The following CCSER1 variants were observed in gnomAD, a reference collection of about 807,000 sequenced individuals.
The protein encoded by CCSER1 is serine-rich coiled-coil domain-containing protein 1.
CCSER1 carries 41 observed loss-of-function variants against 82.0 expected under a neutral mutation model. The observed-to-expected ratio is 0.50, with a 90% CI of 0.39 to 0.65. CCSER1 has a LOEUF of 0.65. Ranked by LOEUF, CCSER1 falls within the 30% of genes least tolerant of loss-of-function variation. The pLI is 0.00. For synonymous variants in CCSER1, 414 were observed against 383.9 expected (o/e 1.08, Z -0.92); for missense variants, 1,119 against 1,064.2 (o/e 1.05, Z -0.72).
Position 90,208,250 on chromosome 4 carries a change from G to A in CCSER1, c.-42+80419G>A, listed in dbSNP as rs137922950. ...AGTCTGGCTACAGTGGTTTTGTGGC[G>A]CTGCAGTTGGCTTCACCCAGTTCGG... On this transcript the variant is annotated intron_variant, in intron 1 of 10. Transcript: ENST00000509176. 9.4e-3 allele frequency among the ~76,000 whole-genome samples: 1,426 copies of A among 152,270 alleles called. 18 individuals are homozygous for A. The highest frequency in any genetic ancestry group is 0.049 in the South Asian group (236 of 4,824).
chr4:90,821,188 A>T (rs912265117), intron 8 of CCSER1, among the ~76,000 whole-genome samples: 4 of 152,190 alleles, frequency 2.6e-5, no homozygotes, highest in African/African-American at 9.7e-5. Flanking sequence ...TTTAATGCAT[A>T]TCATTATACT....
intron 8 of CCSER1, among the ~76,000 whole-genome samples, chr4:90,874,749 T>C (rs1766979527): frequency 6.6e-6 from 1 of 152,042 alleles, no homozygotes; most frequent in Admixed American, 6.6e-5. Flanking sequence ...CCAATGCCTA[T>C]ATTAAAAAAC....
intron 5 of CCSER1, among the ~76,000 whole-genome samples, chr4:90,477,081 G>A (rs780896517): frequency 6.6e-6 from 1 of 151,940 alleles, no homozygotes; most frequent in Non-Finnish European, 1.5e-5. Flanking sequence ...TCAATTCCCC[G>A]TGCTAACCTC....
At chr4:91,005,659 A>C (rs1561464356) in intron 9 of CCSER1, among the ~76,000 whole-genome samples, 1 of 152,328 alleles carries the variant, frequency 6.6e-6, no homozygotes, top group East Asian at 1.9e-4. Context: ...TTCATCTTGC[A>C]TAACTGAAAC....
At position 90,192,051 on chromosome 4, in the gene CCSER1, G is replaced by A. The variant is rs543179731; in HGVS notation, c.-42+64220G>A. On this transcript the variant is annotated intron_variant, in intron 1 of 10. Coordinates refer to ENST00000509176, the MANE Select transcript of CCSER1 (RefSeq NM_001145065.2). ...ATTGTGTGTATTAGTCCGTTTTCAC[G>A]CTGCTGATAAAGACATACCTGAGGC... Among the ~76,000 whole-genome samples the A allele has an allele frequency of 1.1e-4, 17 of 152,094 alleles. No homozygotes were observed. In the South Asian group the frequency reaches 2.9e-3, roughly 26 times the overall value.
intron 7 of CCSER1, among the ~76,000 whole-genome samples, chr4:90,779,116 A>G (rs1194413874): frequency 2.0e-5 from 3 of 152,174 alleles, no homozygotes; most frequent in Non-Finnish European, 4.4e-5. Flanking sequence ...TGCTTCATTC[A>G]TTCTCTGTAT....
At chr4:91,302,556 G>C (rs1024929881) in intron 10 of CCSER1, among the ~76,000 whole-genome samples, 5 of 151,956 alleles carry the variant, frequency 3.3e-5, no homozygotes, top group Admixed American at 1.3e-4. Context: ...AATCAGATCA[G>C]ATAAGCCTTC....
At chr4:91,100,953 G>A (rs1724998769) in intron 10 of CCSER1, among the ~76,000 whole-genome samples, 1 of 152,168 alleles carries the variant, frequency 6.6e-6, no homozygotes, top group Admixed American at 6.5e-5. Flanking sequence ...TTCTTTGGAA[G>A]TGTTTGACTG....
intron 10 of CCSER1, among the ~76,000 whole-genome samples, chr4:91,329,896 T>A (rs751541561): frequency 3.9e-5 from 6 of 152,194 alleles, no homozygotes; most frequent in Non-Finnish European, 8.8e-5. Context: ...TTGTTAAATT[T>A]TTTTCCCAGA....
chr4:91,593,244 G>C (rs1362952009), intron 10 of CCSER1, among the ~76,000 whole-genome samples: 2 of 152,002 alleles, frequency 1.3e-5, no homozygotes, highest in Non-Finnish European at 2.9e-5. Flanking sequence ...TAAATTGCCC[G>C]TGCAATGTGT....
chr4:91,091,678 C>T (rs1723973713), intron 10 of CCSER1, among the ~76,000 whole-genome samples: 1 of 152,172 alleles, frequency 6.6e-6, no homozygotes, highest in South Asian at 2.1e-4. Context: ...GGTTTGGCCT[C>T]CCAGGTTCCA....
intron 9 of CCSER1, among the ~76,000 whole-genome samples, chr4:90,926,957 G>T (rs868516809): frequency 1.3e-5 from 2 of 151,956 alleles, no homozygotes; most frequent in African/African-American, 2.4e-5. Context: ...TACATCAAAT[G>T]TATAAACAGA....
intron 10 of CCSER1, among the ~76,000 whole-genome samples, chr4:91,502,171 T>C (rs977452351): frequency 6.6e-6 from 1 of 152,168 alleles, no homozygotes; most frequent in Non-Finnish European, 1.5e-5. Context: ...AAAGCATTCC[T>C]GGAACATGAA....
chr4:90,257,556 G>C (rs76781799), intron 1 of CCSER1, among the ~76,000 whole-genome samples: 95 of 109,950 alleles, frequency 8.6e-4, no homozygotes, highest in Admixed American at 2.1e-3. Context: ...TAGATAGATA[G>C]ATAGATACAT....
rs188324561 is a variant in CCSER1, at chr4:90,660,025, T to C, written c.1932+31793T>C. ...TCTTCAAAAGTAAAAAAAAAAAACC[T>C]TAAATAGATGTTAATGAAGATTCAG... is the stretch of plus-strand genomic sequence containing the variant. On this transcript the variant is annotated intron_variant, in intron 6 of 10. Coordinates refer to ENST00000509176, the MANE Select transcript of CCSER1 (RefSeq NM_001145065.2). 1.7e-3 allele frequency among the ~76,000 whole-genome samples: 263 copies of C among 151,960 alleles called. 2 individuals are homozygous for C. Among genetic ancestry groups the C allele is most frequent in the African/African-American group, 6.2e-3 (257 of 41,530 alleles).
chr4:90,909,588 C>T (rs760709113), intron 8 of CCSER1, among the ~76,000 whole-genome samples: 1 of 152,156 alleles, frequency 6.6e-6, no homozygotes, highest in Non-Finnish European at 1.5e-5. Context: ...TCTATCATGC[C>T]TTTCCTGATC....
At chr4:90,343,659 G>C (rs540224353) in intron 3 of CCSER1, among the ~76,000 whole-genome samples, 1 of 152,232 alleles carries the variant, frequency 6.6e-6, no homozygotes, top group East Asian at 1.9e-4. Context: ...ATATTTTTTA[G>C]ACTTGATGGA....
chr4:90,964,775 T>G (rs189245940), intron 9 of CCSER1, among the ~76,000 whole-genome samples: 85 of 136,476 alleles, frequency 6.2e-4, no homozygotes, highest in Non-Finnish European at 9.6e-4. Flanking sequence ...TGGGCAAAAA[T>G]TGTCCAAATC....
chr4:90,397,019 G>A (rs1330214139), intron 3 of CCSER1, among the ~76,000 whole-genome samples: 1 of 152,056 alleles, frequency 6.6e-6, no homozygotes, highest in Admixed American at 6.5e-5. Flanking sequence ...ATGTTTTTAG[G>A]TTTATGAATT....
Sources: allele counts gnomAD v4.1 joint callset (sites outside exome capture counted in the v4.1 genomes callset), GRCh38; gene constraint gnomAD v4.1.1; transcripts MANE v1.5; gene names NCBI Gene and HGNC (gene_info 2026-07-23, HGNC 2026-07-21).